The following SLIT3 variants were observed in gnomAD, a reference collection of about 807,000 sequenced individuals.
The protein encoded by SLIT3 is slit guidance ligand 3.
Under a neutral mutation model 184.0 loss-of-function variants are expected in SLIT3, and 68 were observed. That is an observed-to-expected ratio of 0.37 (90% CI 0.30 to 0.45). The LOEUF (loss-of-function observed/expected upper bound fraction) is 0.45, where lower values mean the gene tolerates loss of function less well. Among genes scored for constraint, SLIT3 ranks in the 20% least tolerant of loss-of-function variants. SLIT3 has a pLI of 1.00. For synonymous variants in SLIT3, 831 were observed against 828.6 expected (o/e 1.00, Z -0.05); for missense variants, 1,707 against 2,026.0 (o/e 0.84, Z 3.02).
At chr5:169,220,386 T>C (rs1200259863) in intron 3 of SLIT3, among the ~76,000 whole-genome samples, 1 of 152,162 alleles carries the variant, frequency 6.6e-6, no homozygotes, top group Non-Finnish European at 1.5e-5. Context: ...CTCAAATGGT[T>C]GAAAAATATT....
intron 4 of SLIT3, among the ~76,000 whole-genome samples, chr5:169,054,279 C>G (rs1418264216): frequency 2.7e-5 from 4 of 149,318 alleles, no homozygotes; most frequent in Non-Finnish European, 4.4e-5. Flanking sequence ...GATGATGCGG[C>G]CACAAACCAA....
In SLIT3 at chr5:169,210,261, C is replaced by A. The variant is rs1217573487; in HGVS notation, c.342-16711G>T. ...GGTATGGGGCCTTGTGGGAAGCCAG[C>A]GGGTTCCAAAATGCAGTTGTCCAAT... On this transcript the variant is annotated intron_variant, in intron 3 of 35. Transcript: ENST00000519560. Among the ~76,000 whole-genome samples the A allele has an allele frequency of 2.0e-5, 3 of 152,044 alleles. No homozygotes were observed. The East Asian group carries it at 5.8e-4, about 29-fold the overall frequency.
At chr5:169,019,880 C>G (rs1756532091) in intron 4 of SLIT3, among the ~76,000 whole-genome samples, 1 of 152,182 alleles carries the variant, frequency 6.6e-6, no homozygotes, top group Admixed American at 6.5e-5. Flanking sequence ...GCAGTGAAAA[C>G]AGACATAACT....
chr5:168,869,399 GT>G (rs1759429910), intron 5 of SLIT3, among the ~76,000 whole-genome samples: 1 of 152,166 alleles, frequency 6.6e-6, no homozygotes, highest in East Asian at 1.9e-4. Context: ...ACTGGTGATG[GT>G]AATCACTAGG....
intron 4 of SLIT3, among the ~76,000 whole-genome samples, chr5:169,132,462 G>T (rs1250648124): frequency 1.3e-5 from 2 of 152,010 alleles, no homozygotes; most frequent in Admixed American, 6.6e-5. Flanking sequence ...TTTAAACATG[G>T]TCCACGTGCC....
chr5:169,042,630 C>T (rs1757484622), intron 4 of SLIT3, among the ~76,000 whole-genome samples: 1 of 152,178 alleles, frequency 6.6e-6, no homozygotes, highest in African/African-American at 2.4e-5. Context: ...CCTGTTCTCC[C>T]AGGAGCCACT....
intron 4 of SLIT3, among the ~76,000 whole-genome samples, chr5:168,994,491 ATC>A (rs1054681261): frequency 4.6e-5 from 7 of 152,070 alleles, no homozygotes; most frequent in Non-Finnish European, 7.4e-5. Flanking sequence ...CAACCAAATT[ATC>A]TGTTTTCACA....
intron 4 of SLIT3, among the ~76,000 whole-genome samples, chr5:169,033,324 A>G (rs924984225): frequency 1.3e-5 from 2 of 152,112 alleles, no homozygotes; most frequent in African/African-American, 4.8e-5. Context: ...CTAGACATAT[A>G]CCACAGTGTA....
intron 4 of SLIT3, among the ~76,000 whole-genome samples, chr5:168,928,128 GTACTCT>G (rs1208110866): frequency 6.6e-6 from 1 of 152,016 alleles, no homozygotes; most frequent in Non-Finnish European, 1.5e-5. Context: ...CAAATAACAG[GTACTCT>G]TTGTTTAATG....
At chr5:168,680,752 T>G (rs993930563) in intron 32 of SLIT3, among the ~76,000 whole-genome samples, 1 of 152,134 alleles carries the variant, frequency 6.6e-6, no homozygotes, top group Non-Finnish European at 1.5e-5. Flanking sequence ...TGGGGCCTCC[T>G]CCTCCCCAGG....
intron 8 of SLIT3, among the ~76,000 whole-genome samples, chr5:168,811,757 C>T (rs753976266): frequency 2.0e-5 from 3 of 152,236 alleles, no homozygotes; most frequent in African/African-American, 7.2e-5. Context: ...CTCTTATACA[C>T]TGTTGGTGAG....
chr5:169,178,923 G>A (rs1395830947), intron 4 of SLIT3, among the ~76,000 whole-genome samples: 2 of 152,110 alleles, frequency 1.3e-5, no homozygotes, highest in Admixed American at 6.5e-5. Context: ...CACATTCTTC[G>A]GTGCAATGTG....
chr5:168,876,261 T>C (rs1360289209), intron 5 of SLIT3, among the ~76,000 whole-genome samples: 1 of 152,070 alleles, frequency 6.6e-6, no homozygotes, highest in Non-Finnish European at 1.5e-5. Context: ...TGCACAAGTC[T>C]CCTCTCTGCC....
intron 4 of SLIT3, among the ~76,000 whole-genome samples, chr5:169,135,416 A>T (rs995700283): frequency 7.5e-6 from 1 of 133,674 alleles, no homozygotes; most frequent in African/African-American, 2.6e-5. Context: ...CCGGCAGATC[A>T]GTGTTTTTTT....
chr5:168,923,680 C>T (rs1354196086), intron 4 of SLIT3, among the ~76,000 whole-genome samples: 1 of 152,158 alleles, frequency 6.6e-6, no homozygotes, highest in Non-Finnish European at 1.5e-5. Context: ...CCATGCCCAG[C>T]TAACTTTTTA....
rs1421641617 is a variant in SLIT3, at chr5:168,789,556, T to G, written c.1079+4A>C. ...CCTCAGGCCCCAACTCGGGCCCCAC[T>G]TACAGCGATGTGAGTGATTTCAGGC... On this transcript the variant is annotated splice_donor_region_variant and intron_variant, in intron 11 of 35. Transcript: ENST00000519560. The G allele has an allele frequency of 6.2e-7, 1 of 1,611,668 alleles. No homozygotes were observed. The highest frequency in any genetic ancestry group is 1.7e-5 in the Admixed American group (1 of 59,872).
intron 4 of SLIT3, among the ~76,000 whole-genome samples, chr5:169,148,316 C>A (rs920127298): frequency 1.3e-5 from 2 of 152,184 alleles, no homozygotes; most frequent in African/African-American, 2.4e-5. Flanking sequence ...TATACACATG[C>A]TTGGGCTGCT....
chr5:168,779,664 T>G (rs886584322), intron 12 of SLIT3, among the ~76,000 whole-genome samples: 1 of 152,176 alleles, frequency 6.6e-6, no homozygotes, highest in Non-Finnish European at 1.5e-5. Flanking sequence ...CAGAAGCCAC[T>G]GGGAGTCAAA....
At chr5:168,821,766 C>T (rs1757541439) in intron 7 of SLIT3, among the ~76,000 whole-genome samples, 1 of 152,132 alleles carries the variant, frequency 6.6e-6, no homozygotes, top group Admixed American at 6.5e-5. Context: ...AACTTTGAGG[C>T]AAGCATTCAT....
Sources: allele counts gnomAD v4.1 joint callset (sites outside exome capture counted in the v4.1 genomes callset), GRCh38; gene constraint gnomAD v4.1.1; transcripts MANE v1.5; gene names NCBI Gene and HGNC (gene_info 2026-07-23, HGNC 2026-07-21).